FBLN5: variants seen among roughly 807,000 people sequenced by gnomAD.
FBLN5 encodes the protein fibulin-5.
FBLN5 carries 24 observed loss-of-function variants against 61.6 expected under a neutral mutation model. The ratio of observed to expected loss-of-function variants is 0.39; its 90% CI spans 0.28 to 0.55. The LOEUF is 0.55. FBLN5 is among the 20% of genes least tolerant of loss of function. The pLI is 0.65. For missense variants in FBLN5, 470 were observed against 594.1 expected, an observed-to-expected ratio of 0.79 and a Z score of 2.17; for synonymous variants, 213 against 219.8, an observed-to-expected ratio of 0.97 and a Z score of 0.27.
chr14:91,902,287 T>G (rs8011182), intron 4 of FBLN5, among the ~76,000 whole-genome samples: 8 of 151,254 alleles, frequency 5.3e-5, no homozygotes, highest in South Asian at 4.2e-4. Flanking sequence ...GTTTGTTTTT[T>G]TTTTTTTTTT....
chr14:91,893,572 G>A (rs929099146), intron 5 of FBLN5, among the ~76,000 whole-genome samples: 1 of 152,204 alleles, frequency 6.6e-6, no homozygotes, highest in Admixed American at 6.5e-5. Context: ...ACAGAATGGT[G>A]TCTTAGAGAA....
chr14:91,889,849 C>G (rs1889907388), intron 6 of FBLN5, among the ~76,000 whole-genome samples: 1 of 152,210 alleles, frequency 6.6e-6, no homozygotes, highest in Non-Finnish European at 1.5e-5. Context: ...ATTATCTGCT[C>G]TTTGTCACAC....
intron 4 of FBLN5, among the ~76,000 whole-genome samples, chr14:91,919,385 G>GA (rs2055689524): frequency 5.7e-5 from 8 of 141,118 alleles, no homozygotes; most frequent in African/African-American, 2.2e-4. Flanking sequence ...AGAAAAGAAA[G>GA]AAAGAAAGGA....
chr14:91,933,780 C>G (rs1160002202), intron 4 of FBLN5, among the ~76,000 whole-genome samples: 1 of 151,282 alleles, frequency 6.6e-6, no homozygotes, highest in Admixed American at 6.6e-5. Context: ...TGACTAGGTT[C>G]AAAATTTTAC....
At chr14:91,922,020 G>T (rs372909948) in intron 4 of FBLN5, among the ~76,000 whole-genome samples, 1 of 152,188 alleles carries the variant, frequency 6.6e-6, no homozygotes, top group African/African-American at 2.4e-5. Flanking sequence ...AAATGAAGGG[G>T]CAGACAGGCG....
rs78303662 is a variant in FBLN5 at position 91,916,704 on chromosome 14, TAGTG to T, written c.379+20239_379+20242del. Among the ~76,000 whole-genome samples the T allele has an allele frequency of 7.2e-5, 11 of 152,218 alleles. No individual in the cohort carries two copies. In the East Asian group the frequency reaches 2.1e-3, roughly 29 times the overall value. On this transcript the variant is annotated intron_variant, in intron 4 of 10. Transcript: ENST00000342058. ...TGTATGACTGAGATAGTGCATCCTTTAGTGAGTGAGTGCATCCTTTGTTATCTGT... is the reference window on the plus strand; with the variant it reads ...TGTATGACTGAGATAGTGCATCCTTTAGTGAGTGCATCCTTTGTTATCTGT...
In FBLN5 at chr14:91,873,564, C is replaced by T. The variant is rs2267990; in HGVS notation, c.1186-3179G>A. On this transcript the variant is annotated intron_variant, in intron 10 of 10. Coordinates refer to ENST00000342058, the MANE Select transcript of FBLN5 (RefSeq NM_006329.4). ...GTTGTGTTTGCTAGGTTGTTTTCCCCCTCTCCGCTAAGGTGTGTGTGGGTT... is the reference window on the plus strand; with the variant it reads ...GTTGTGTTTGCTAGGTTGTTTTCCCTCTCTCCGCTAAGGTGTGTGTGGGTT... 57,889 of 152,346 alleles carry T rather than the reference C, an allele frequency of 0.38. 12,587 individuals carry two copies. The highest frequency in any genetic ancestry group is 0.53 in the East Asian group (2,732 of 5,158). The allele number at this position is 152,346 out of a possible 1,614,324, so 9.4% of individuals were successfully genotyped here.
chr14:91,912,665 C>T (rs371247740), intron 4 of FBLN5, among the ~76,000 whole-genome samples: 6 of 151,872 alleles, frequency 4.0e-5, no homozygotes, highest in Non-Finnish European at 7.4e-5. Context: ...AAAAAATTAG[C>T]TGGGCATAGT....
chr14:91,890,855 C>T (rs72705342), intron 6 of FBLN5, among the ~76,000 whole-genome samples: 28,618 of 152,176 alleles, frequency 0.19, 3,190 homozygotes, highest in Middle Eastern at 0.33. Context: ...ACCAACCCTC[C>T]TCAGGCCTCA....
intron 6 of FBLN5, among the ~76,000 whole-genome samples, chr14:91,889,154 G>T (rs1047796997): frequency 1.3e-5 from 2 of 152,212 alleles, no homozygotes; most frequent in Non-Finnish European, 2.9e-5. Flanking sequence ...GCCCGTGGGA[G>T]GTTGGGGTTT....
chr14:91,918,390 G>A (rs952792751), intron 4 of FBLN5, among the ~76,000 whole-genome samples: 1 of 152,200 alleles, frequency 6.6e-6, no homozygotes, highest in African/African-American at 2.4e-5. Context: ...AAACAAGAGG[G>A]CAGAAGGTCA....
rs1388311551 is a variant in FBLN5, at chr14:91,943,119, G to A, written c.18-158C>T. 6.6e-6 allele frequency among the ~76,000 whole-genome samples: 1 copy of A among 151,332 alleles called. No individual in the cohort carries two copies. The highest frequency in any genetic ancestry group is 2.4e-5 in the African/African-American group (1 of 41,062). ...AGGTCATGGTGGTTCCAGACACCGC[G>A]ACCACCCAAGCAGAACCACACCTCT... On this transcript the variant is annotated intron_variant, in intron 1 of 10. Transcript: ENST00000342058. The surrounding 1 kb of genome is among the most constrained non-coding windows in gnomAD (Gnocchi z 4.0).
intron 4 of FBLN5, among the ~76,000 whole-genome samples, chr14:91,902,277 G>GT (rs376843305): frequency 0.024 from 1,155 of 48,554 alleles, 18 homozygotes; most frequent in African/African-American, 0.059. Context: ...TTGTTTGTTT[G>GT]TTTGTTTTTT....
At chr14:91,896,585 G>T (rs549613107) in intron 4 of FBLN5, among the ~76,000 whole-genome samples, 2 of 152,274 alleles carry the variant, frequency 1.3e-5, no homozygotes, top group Admixed American at 6.5e-5. Flanking sequence ...CCATTTTACA[G>T]ATGGGAAAAC....
chr14:91,941,565 CA>C (rs1278845509), intron 2 of FBLN5, among the ~76,000 whole-genome samples: 1 of 152,012 alleles, frequency 6.6e-6, no homozygotes, highest in Non-Finnish European at 1.5e-5. Flanking sequence ...GGAGAGGGTT[CA>C]GGGGTCCCAG....
intron 10 of FBLN5, among the ~76,000 whole-genome samples, chr14:91,872,574 C>G (rs1888990541): frequency 6.6e-6 from 1 of 152,174 alleles, no homozygotes; most frequent in African/African-American, 2.4e-5. Flanking sequence ...CAAGAGCCAC[C>G]ACAAGTAAGA....
intron 7 of FBLN5, among the ~76,000 whole-genome samples, chr14:91,886,656 A>ATT (rs11458593): frequency 1.3e-5 from 2 of 151,052 alleles, no homozygotes; most frequent in Non-Finnish European, 3.0e-5. Flanking sequence ...TTCGAGAACT[A>ATT]TTTTTTTTTG....
intron 2 of FBLN5, among the ~76,000 whole-genome samples, chr14:91,942,579 A>G (rs758388867): frequency 1.7e-4 from 26 of 152,236 alleles, no homozygotes; most frequent in Admixed American, 3.3e-4. Flanking sequence ...GCAGCAAACC[A>G]CCATGGCCCA....
intron 4 of FBLN5, among the ~76,000 whole-genome samples, chr14:91,897,702 C>A (rs1397635463): frequency 2.0e-5 from 3 of 152,212 alleles, no homozygotes; most frequent in African/African-American, 7.2e-5. Flanking sequence ...GGCCGAAGAT[C>A]AAAATCCTTG....
Sources: gnomAD v4.1 joint callset for allele counts (sites outside exome capture counted in the v4.1 genomes callset) on GRCh38, gnomAD v4.1.1 for gene constraint, Gnocchi (gnomAD v3.1) non-coding constraint, MANE v1.5 for transcripts, NCBI Gene and HGNC (gene_info 2026-07-23, HGNC 2026-07-21) for gene names.